Variants in YME1L1 observed in about 807,000 individuals in gnomAD.
The protein encoded by YME1L1 is YME1 like 1 ATPase.
In YME1L1, 39 loss-of-function variants were observed where a neutral mutation model predicts 90.4. That is an observed-to-expected ratio of 0.43 (90% confidence interval 0.33 to 0.56). The LOEUF (loss-of-function observed/expected upper bound fraction) is 0.56. YME1L1 is among the 20% of genes least tolerant of loss of function. The pLI is 0.03. For synonymous variants in YME1L1, 284 were observed against 287.3 expected, an observed-to-expected ratio of 0.99 and a Z score of 0.12; for missense variants, 617 against 868.4, an observed-to-expected ratio of 0.71 and a Z score of 3.64.
intron 3 of YME1L1, 49 bp downstream of exon 3, chr10:27,145,377 TTA>T (rs1234423432): frequency 2.1e-6 from 3 of 1,433,520 alleles, no homozygotes; most frequent in Non-Finnish European, 1.9e-6. Flanking sequence ...GTATCTATAA[TTA>T]TTAATAGTGC....
chr10:27,137,546 T>C lies in YME1L1; in HGVS notation c.431-1161A>G, dbSNP rs866158338. Among the ~76,000 whole-genome samples the C allele has an allele frequency of 9.8e-5, 15 of 152,336 alleles. No individual in the cohort carries two copies. The Middle Eastern group carries it at 0.01, about 104-fold the overall frequency. On this transcript the variant is annotated intron_variant, in intron 4 of 18. Coordinates refer to ENST00000376016, the MANE Select transcript of YME1L1 (RefSeq NM_014263.4). ...GACTACTTTCTAAAAAAGGCTGTTATCAATTTATGTGCCCACCAATGCTTA... is the reference window on the plus strand; with the variant it reads ...GACTACTTTCTAAAAAAGGCTGTTACCAATTTATGTGCCCACCAATGCTTA...
intron 4 of YME1L1, among the ~76,000 whole-genome samples, chr10:27,140,061 GCCAT>G (rs1420636977): frequency 6.6e-6 from 1 of 151,910 alleles, no homozygotes; most frequent in Non-Finnish European, 1.5e-5. Flanking sequence ...GGATGGAGGT[GCCAT>G]CTTGGCTCAC....
intron 3 of YME1L1, among the ~76,000 whole-genome samples, chr10:27,144,342 A>G (rs1353992071): frequency 1.3e-5 from 2 of 152,096 alleles, no homozygotes; most frequent in Non-Finnish European, 2.9e-5. Flanking sequence ...CCTCACACTT[A>G]CGGTTTTTTA....
chr10:27,153,206 T>G (rs190447508), intron 1 of YME1L1: 1 of 470,940 alleles, frequency 2.1e-6, no homozygotes, highest in South Asian at 1.5e-5. Flanking sequence ...TAAGAGAAGA[T>G]TCCACATTTG....
At position 27,120,503 on chromosome 10, in the gene YME1L1, G is replaced by C; in HGVS notation, c.1343C>G (p.Pro448Arg). Residue 448 changes from proline (P) to arginine (R), a missense_variant, in exon 13 of 19, where the codon CCA (proline) becomes CGA (arginine). Pro to Arg is a moderately radical substitution (Grantham distance 103). Coordinates refer to ENST00000376016, the MANE Select transcript of YME1L1 (RefSeq NM_014263.4). ...TGTTCGACCTTTTACATCTGGCCTT[G>C]GAACTGTAACTTGCATGTCAAAACG... ...PGRFDMQVTV[P>R]RPDVKGRTEI... The C allele has an allele frequency of 6.2e-7, 1 of 1,613,500 alleles. No homozygotes were observed. The highest frequency in any genetic ancestry group is 8.5e-7 in the Non-Finnish European group (1 of 1,179,710).
chr10:27,144,985 C>G (rs950666042), intron 3 of YME1L1, among the ~76,000 whole-genome samples: 1 of 151,852 alleles, frequency 6.6e-6, no homozygotes, highest in African/African-American at 2.4e-5. Context: ...ACTAAAAATA[C>G]AAAAAATTAG....
chr10:27,121,982 C>T (rs891319633), intron 11 of YME1L1, among the ~76,000 whole-genome samples: 9 of 152,096 alleles, frequency 5.9e-5, no homozygotes, highest in South Asian at 2.1e-4. Context: ...GCAATACACC[C>T]GCCTCAGCCT....
intron 3 of YME1L1, among the ~76,000 whole-genome samples, chr10:27,144,546 G>A (rs2057121938): frequency 6.6e-6 from 1 of 151,920 alleles, no homozygotes; most frequent in Non-Finnish European, 1.5e-5. Context: ...AGACTAGTAT[G>A]AACCCACTTA....
chr10:27,138,262 G>A (rs1450314092), intron 4 of YME1L1, among the ~76,000 whole-genome samples: 2 of 151,984 alleles, frequency 1.3e-5, no homozygotes, highest in Non-Finnish European at 2.9e-5. Flanking sequence ...GTATTTTCAT[G>A]TACTTAAGTA....
chr10:27,120,345 G>T, intron 13 of YME1L1, 90 bp downstream of exon 13: 1 of 854,438 alleles, frequency 1.2e-6, no homozygotes, highest in Non-Finnish European at 1.8e-6. Context: ...GTCTTTTAAT[G>T]TTAATACATG....
intron 8 of YME1L1, among the ~76,000 whole-genome samples, chr10:27,129,751 T>G (rs1169566643): frequency 3.6e-4 from 1 of 2,766 alleles, no homozygotes; most frequent in Non-Finnish European, 2.8e-3. Context: ...AACCACTCAT[T>G]TTGACTTAAT....
chr10:27,135,678 G>C (rs1362463456), intron 5 of YME1L1, among the ~76,000 whole-genome samples: 2 of 152,182 alleles, frequency 1.3e-5, no homozygotes, highest in African/African-American at 4.8e-5. Context: ...ATATTGAATG[G>C]TGAGAAGAGA....
At chr10:27,121,527 TTTG>T in intron 11 of YME1L1, 79 bp from the exon 12 acceptor site, 1 of 1,061,174 alleles carries the variant, frequency 9.4e-7, no homozygotes, top group Non-Finnish European at 1.4e-6. Flanking sequence ...ACAAAACTGG[TTTG>T]TTTTCTTTTT....
intron 8 of YME1L1, chr10:27,129,336 A>G (rs891466450): frequency 1.3e-5 from 2 of 152,300 alleles, no homozygotes; most frequent in East Asian, 3.9e-4. Context: ...TACAATTCCA[A>G]CAGGGTTCAT....
Position 27,121,433 on chromosome 10 carries a change from T to C in YME1L1, c.1251A>G (p.Glu417=). The C allele has an allele frequency of 6.2e-7, 1 of 1,602,374 alleles. No individual in the cohort carries two copies. Residue 417 remains glutamate, a synonymous_variant, in exon 12 of 19, where the codon GAA becomes GAG. Coordinates refer to ENST00000376016, the MANE Select transcript of YME1L1 (RefSeq NM_014263.4). ...LAEMDGFKPN[E]GVIIIGATNF... ...TTGTGGCTCCTATTATGATAACTCC[T>C]TCATTGGGTTTAAAACTATATTGGA...
chr10:27,119,265 AAGAC>A lies in YME1L1; in HGVS notation c.1567+25_1567+28del, dbSNP rs774038557. ...AATTATCTAACACAATGAAAAGTAA[AAGAC>A]AGAAAAAAAAGAAAGGAAACCTACC... On this transcript the variant is annotated intron_variant, in intron 14 of 18. Transcript: ENST00000376016. The A allele has an allele frequency of 1.1e-5, 17 of 1,571,676 alleles. No homozygotes were observed. In the African/African-American group the frequency reaches 2.3e-4, roughly 22 times the overall value.
At position 27,114,586 on chromosome 10, in the gene YME1L1, C is replaced by T. The variant is rs2056792502; in HGVS notation, c.1942G>A (p.Asp648Asn). The T allele has an allele frequency of 6.2e-7, 1 of 1,613,270 alleles. No individual in the cohort carries two copies. Among genetic ancestry groups the T allele is most frequent in the African/African-American group, 1.3e-5 (1 of 74,870 alleles). Residue 648 changes from aspartate to asparagine, a missense_variant, in exon 18 of 19, where the codon GAT (aspartate) becomes AAT (asparagine). By Grantham distance (23) the Asp-to-Asn change is conservative. Transcript: ENST00000376016. Reference protein sequence around the residue: ...SEKLGVMTYSDTGKLSPETQS... With the variant: ...SEKLGVMTYSNTGKLSPETQS... ...GTTTCTGGACTTAGTTTCCCTGTATCACTGTAGGTCATAACTCCAAGCTAA... is the reference window on the plus strand; with the variant it reads ...GTTTCTGGACTTAGTTTCCCTGTATTACTGTAGGTCATAACTCCAAGCTAA...
At chr10:27,147,551 C>A (rs374095376) in intron 2 of YME1L1, 8 of 1,608,972 alleles carry the variant, frequency 5.0e-6, no homozygotes, top group Non-Finnish European at 6.8e-6. Context: ...TCGGTTGTGT[C>A]CAAGCTCTTC....
intron 1 of YME1L1, among the ~76,000 whole-genome samples, chr10:27,150,918 G>A (rs950575592): frequency 8.9e-5 from 11 of 123,820 alleles, no homozygotes; most frequent in South Asian, 2.7e-4. Context: ...AGACTCTCTC[G>A]CCTTTTTTTT....
Sources: gnomAD v4.1 joint callset for allele counts (sites outside exome capture counted in the v4.1 genomes callset) on GRCh38, gnomAD v4.1.1 for gene constraint, MANE v1.5 for transcripts, NCBI Gene and HGNC (gene_info 2026-07-23, HGNC 2026-07-21) for gene names.